The following TMEM168 variants were observed in gnomAD, a reference collection of about 807,000 sequenced individuals.
The protein encoded by TMEM168 is transmembrane protein 168.
A neutral mutation model predicts 53.2 loss-of-function variants in TMEM168; 40 were observed. The observed-to-expected ratio is 0.75, with a 90% CI of 0.58 to 0.98. TMEM168 has a LOEUF of 0.98. TMEM168 is among the 50% of genes least tolerant of loss of function. The pLI is 0.00. For missense variants in TMEM168, 771 were observed against 828.8 expected, an observed-to-expected ratio of 0.93 and a Z score of 0.86; for synonymous variants, 282 against 293.0, an observed-to-expected ratio of 0.96 and a Z score of 0.38.
At position 112,767,668 on chromosome 7, in the gene TMEM168, A is replaced by G. The variant is rs759701442; in HGVS notation, c.1623T>C (p.Ile541=). 23 of 1,614,060 alleles carry G rather than the reference A, an allele frequency of 1.4e-5. No individual in the cohort carries two copies. The South Asian group carries it at 2.2e-4, about 15-fold the overall frequency. Residue 541 remains isoleucine (I), a synonymous_variant, in exon 5 of 5, where the codon ATT becomes ATC. Transcript: ENST00000312814. ...TTGAATTTTCGCTGTCTAATACGAT[A>G]ATAAGCCGGGAACAAAAGGAACCAT... The part of the protein sequence containing the change: ...EKNGSFCSRL[I]IVLDSENSTP...
Position 112,767,156 on chromosome 7 carries a change from G to A in TMEM168, c.*41C>T. ...AAAAATGGCAAGTTAGTGATAATTG[G>A]TAGTATGAGTGCTTATTAATATCCC... On this transcript the variant is annotated 3_prime_UTR_variant, in exon 5 of 5. Transcript: ENST00000312814. 6.5e-7 allele frequency: 1 copy of A among 1,542,784 alleles called. No homozygotes were observed.
At chr7:112,775,069 T>G in intron 3 of TMEM168, 107 bp downstream of exon 3, 1 of 935,680 alleles carries the variant, frequency 1.1e-6, no homozygotes, top group Non-Finnish European at 1.4e-6. Flanking sequence ...AATGCACAAG[T>G]TATATTTTGA....
At chr7:112,769,520 C>T (rs555137920) in intron 4 of TMEM168, among the ~76,000 whole-genome samples, 11 of 149,594 alleles carry the variant, frequency 7.4e-5, no homozygotes, top group Admixed American at 1.3e-4. Context: ...GCATATTCTA[C>T]CCTAATTCTC....
intron 1 of TMEM168, among the ~76,000 whole-genome samples, chr7:112,789,257 C>A (rs1243374651): frequency 6.6e-6 from 1 of 152,034 alleles, no homozygotes; most frequent in Non-Finnish European, 1.5e-5. Flanking sequence ...ACATGACCCC[C>A]ATACTTTCTC....
chr7:112,763,270 GT>G lies in TMEM168; in HGVS notation c.*3926del, dbSNP rs1442399284. 6.6e-6 allele frequency: 1 copy of G among 152,020 alleles called. No individual in the cohort carries two copies. The highest frequency in any genetic ancestry group is 1.9e-4 in the East Asian group (1 of 5,204). The allele number at this position is 152,020 out of a possible 1,614,324, so 9.4% of individuals were successfully genotyped here. A position where few individuals can be genotyped will look rare whatever the true frequency, so the allele number is the denominator to read the frequency against. Reference sequence around the variant, plus strand: ...TGCTTTCTTTTTATGGATTCTGTAAGTTTTTTACTAAATTACTTGCTTAATG... The same window carrying G: ...TGCTTTCTTTTTATGGATTCTGTAAGTTTTTACTAAATTACTTGCTTAATG... On this transcript the variant is annotated 3_prime_UTR_variant, in exon 5 of 5. Transcript: ENST00000312814.
Position 112,789,455 on chromosome 7 carries a change from T to C in TMEM168, c.-129+705A>G, listed in dbSNP as rs1451445833. ...CTACATTTAACAACAATAGTCACCATTGGACACTTACTAATGCCTAAAGAG... is the reference window on the plus strand; with the variant it reads ...CTACATTTAACAACAATAGTCACCACTGGACACTTACTAATGCCTAAAGAG... On this transcript the variant is annotated intron_variant, in intron 1 of 4. Coordinates refer to ENST00000312814, the MANE Select transcript of TMEM168 (RefSeq NM_022484.6). 5.3e-5 allele frequency among the ~76,000 whole-genome samples: 8 copies of C among 152,242 alleles called. No individual in the cohort carries two copies. The East Asian group carries it at 5.8e-4, about 11-fold the overall frequency.
Position 112,775,292 on chromosome 7 carries a change from C to G in TMEM168, c.1155G>C (p.Met385Ile). ...WQPTNGIFLS[M>I]FLIVLPLESM... ...ATTCCAATGGCAAAACGATTAGAAA[C>G]ATGCTCAAGAAAATTCCATTTGTTG... Residue 385 changes from methionine to isoleucine, a missense_variant, in exon 3 of 5, where the codon ATG becomes ATC. Transcript: ENST00000312814. 1 of 1,613,228 alleles carries G rather than the reference C, an allele frequency of 6.2e-7. No individual in the cohort carries two copies. The highest frequency in any genetic ancestry group is 8.5e-7 in the Non-Finnish European group (1 of 1,179,634).
At chr7:112,774,818 T>G (rs974999523) in intron 3 of TMEM168, among the ~76,000 whole-genome samples, 2 of 151,988 alleles carry the variant, frequency 1.3e-5, no homozygotes, top group Admixed American at 1.3e-4. Context: ...TGACCTCAGG[T>G]GATCCGCCCG....
In TMEM168 at chr7:112,774,244, G is replaced by A. The variant is rs185399602; in HGVS notation, c.1271+932C>T. The stretch of plus-strand genomic sequence containing the variant: ...GATTTATACAGATGTCACCACCTTT[G>A]TGGGTAAAAGTTATTTTGGAATAAA... On this transcript the variant is annotated intron_variant, in intron 3 of 4. Coordinates refer to ENST00000312814, the MANE Select transcript of TMEM168 (RefSeq NM_022484.6). Among the ~76,000 whole-genome samples the A allele has an allele frequency of 5.3e-3, 803 of 151,930 alleles. 3 individuals carry two copies. Among genetic ancestry groups the A allele is most frequent in the African/African-American group, 0.018 (742 of 41,442 alleles).
chr7:112,762,876 TAAGACAATATAA>T lies in TMEM168; in HGVS notation c.*4309_*4320del, dbSNP rs1289401631. The T allele has an allele frequency of 6.6e-6, 1 of 152,054 alleles. No individual in the cohort carries two copies. The highest frequency in any genetic ancestry group is 2.4e-5 in the African/African-American group (1 of 41,440). 9.4% of individuals were successfully genotyped at this position (152,054 alleles called of 1,614,324 possible). A position where few individuals can be genotyped will look rare whatever the true frequency, so the allele number is the denominator to read the frequency against. ...CTATGTGTTATAATTAGTGAATAGG[TAAGACAATATAA>T]AAAAGGAGATACTTATAGTTTCCCT... On this transcript the variant is annotated 3_prime_UTR_variant, in exon 5 of 5. Transcript: ENST00000312814.
intron 4 of TMEM168, among the ~76,000 whole-genome samples, chr7:112,770,051 CA>C (rs1170080425): frequency 3.3e-5 from 5 of 152,154 alleles, no homozygotes. Context: ...AAAAACAAAA[CA>C]AAAAATCCCC....
chr7:112,773,731 A>T (rs1475562160), intron 3 of TMEM168, among the ~76,000 whole-genome samples: 1 of 152,122 alleles, frequency 6.6e-6, no homozygotes, highest in Non-Finnish European at 1.5e-5. Flanking sequence ...TAATATTGAG[A>T]AAGAAAAAAT....
Position 112,775,257 on chromosome 7 carries a change from T to C in TMEM168, c.1190A>G (p.His397Arg), listed in dbSNP as rs764338152. 5 of 1,613,850 alleles carry C rather than the reference T, an allele frequency of 3.1e-6. No homozygotes were observed. The highest frequency in any genetic ancestry group is 4.2e-6 in the Non-Finnish European group (5 of 1,179,886). Reference protein sequence around the residue: ...LIVLPLESMAHGLFHELGNCL... With the variant: ...LIVLPLESMARGLFHELGNCL... ...GTTACCCAATTCATGGAAGAGCCCA[T>C]GAGCCATGGATTCCAATGGCAAAAC... The change falls in exon 3 of 5, where the codon CAT (histidine) becomes CGT (arginine). Residue 397 changes from histidine to arginine, a missense_variant. Physicochemically the swap from His to Arg is conservative, Grantham distance 29. Coordinates refer to ENST00000312814, the MANE Select transcript of TMEM168 (RefSeq NM_022484.6).
rs1453398749 is a variant in TMEM168 at position 112,784,540 on chromosome 7, T to C, written c.286A>G (p.Asn96Asp). The C allele has an allele frequency of 2.5e-6, 4 of 1,614,144 alleles. No homozygotes were observed. The South Asian group carries it at 4.4e-5, about 18-fold the overall frequency. ...CCAAGCAAGAATCCAAACCAAAGAT[T>C]GGAGAGACTTAAACTTGCTGCTTCC... ...SMEAASLSLS[N>D]LWFGFLLGLL... is the part of the protein sequence containing the mutation. The change falls in exon 2 of 5, where the codon AAT becomes GAT. Residue 96 changes from asparagine to aspartate, a missense_variant. Physicochemically the swap from Asn to Asp is conservative, Grantham distance 23. Transcript: ENST00000312814.
At position 112,766,983 on chromosome 7, in the gene TMEM168, A is replaced by G; in HGVS notation, c.*214T>C. ...TATTTTTAACGTCTCTTATGCATTT[A>G]CAGTAAGCATTTGACTCCCTACATA... On this transcript the variant is annotated 3_prime_UTR_variant, in exon 5 of 5. Coordinates refer to ENST00000312814, the MANE Select transcript of TMEM168 (RefSeq NM_022484.6). 1.9e-6 allele frequency: 1 copy of G among 532,966 alleles called. No individual in the cohort carries two copies. The allele number at this position is 532,966 out of a possible 1,614,324, so 33.0% of individuals were successfully genotyped here.
In TMEM168 at chr7:112,783,960, T is replaced by C; in HGVS notation, c.866A>G (p.His289Arg). 1 of 1,611,942 alleles carries C rather than the reference T, an allele frequency of 6.2e-7. No individual in the cohort carries two copies. Among genetic ancestry groups the C allele is most frequent in the Non-Finnish European group, 8.5e-7 (1 of 1,179,618 alleles). The change falls in exon 2 of 5, where the codon CAC becomes CGC. Residue 289 changes from histidine to arginine, a missense_variant. By Grantham distance (29) the His-to-Arg change is conservative. Coordinates refer to ENST00000312814, the MANE Select transcript of TMEM168 (RefSeq NM_022484.6). ...ILSAFKLRDT[H>R]LWYFVIPGFS... ...GCCAGGTATTACAAAATACCAGAGG[T>C]GAGTGTCTCTAAGTTTGAATGCGGA... is the stretch of plus-strand genomic sequence containing the variant.
rs1164950423 is a variant in TMEM168 at position 112,763,000 on chromosome 7, T to TA, written c.*4196_*4197insT. 3 of 152,066 alleles carry TA rather than the reference T, an allele frequency of 2.0e-5. No homozygotes were observed. Among genetic ancestry groups the TA allele is most frequent in the Non-Finnish European group, 4.4e-5 (3 of 67,936 alleles). 9.4% of individuals were successfully genotyped at this position (152,066 alleles called of 1,614,324 possible). Reference sequence around the variant, plus strand: ...CACTGATATGCATAGTCAAATTCCTTCTTTGTTCATCAGTCAGACTTTTAA... The same window carrying TA: ...CACTGATATGCATAGTCAAATTCCTTACTTTGTTCATCAGTCAGACTTTTAA... On this transcript the variant is annotated 3_prime_UTR_variant, in exon 5 of 5. Coordinates refer to ENST00000312814, the MANE Select transcript of TMEM168 (RefSeq NM_022484.6).
intron 4 of TMEM168, among the ~76,000 whole-genome samples, chr7:112,771,091 T>C (rs368247958): frequency 4.7e-4 from 72 of 152,362 alleles, no homozygotes; most frequent in African/African-American, 1.6e-3. Flanking sequence ...AAAAGATGCT[T>C]TCTACGTTGT....
chr7:112,789,815 A>G (rs1164159369), intron 1 of TMEM168, among the ~76,000 whole-genome samples: 1 of 152,234 alleles, frequency 6.6e-6, no homozygotes, highest in Non-Finnish European at 1.5e-5. Flanking sequence ...TAGAATATCA[A>G]ACTCCTCAGC....
Sources: allele counts gnomAD v4.1 joint callset (sites outside exome capture counted in the v4.1 genomes callset), GRCh38; gene constraint gnomAD v4.1.1; transcripts MANE v1.5; gene names NCBI Gene and HGNC (gene_info 2026-07-23, HGNC 2026-07-21).